AP2S1: variants seen among roughly 807,000 people sequenced by gnomAD.
AP2S1 encodes the protein adaptor related protein complex 2 subunit sigma 1.
Under a neutral mutation model 21.0 loss-of-function variants are expected in AP2S1, and 6 were observed. The ratio of observed to expected loss-of-function variants is 0.29; its 90% CI spans 0.16 to 0.56. The LOEUF (loss-of-function observed/expected upper bound fraction) is 0.56, where lower values mean the gene tolerates loss of function less well. AP2S1 is among the 20% of genes least tolerant of loss of function. The pLI is 0.92. For missense variants in AP2S1, 60 were observed against 186.2 expected (o/e 0.32, Z 3.95); for synonymous variants, 63 against 74.6 (o/e 0.84, Z 0.80).
intron 1 of AP2S1, among the ~76,000 whole-genome samples, chr19:46,846,479 G>A (rs2055637264): frequency 9.1e-6 from 1 of 109,490 alleles, no homozygotes; most frequent in African/African-American, 3.6e-5. Flanking sequence ...ACAGAGTCTT[G>A]CTACGTTGCT....
chr19:46,840,100 T>G (rs1189507475), intron 2 of AP2S1, among the ~76,000 whole-genome samples: 1 of 151,890 alleles, frequency 6.6e-6, no homozygotes, highest in Admixed American at 6.6e-5. Context: ...ATAGGCAGTG[T>G]GGGGAGGAGG....
In AP2S1 at chr19:46,846,085, T is replaced by C. The variant is rs1026991241; in HGVS notation, c.61A>G (p.Met21Val). The change falls in exon 2 of 5, where the codon ATG becomes GTG. Residue 21 changes from methionine (M) to valine (V), a missense_variant. By Grantham distance (21) the Met-to-Val change is conservative. Transcript: ENST00000263270. Reference sequence around the variant, plus strand: ...TGTTTCTCATCATCATCAAACTGCATGTACCACTTGGCCAGGCGCGTCTTG... The same window carrying C: ...TGTTTCTCATCATCATCAAACTGCACGTACCACTTGGCCAGGCGCGTCTTG... ...AGKTRLAKWYMQFDDDEKQKL... is the reference protein window; with the variant it reads ...AGKTRLAKWYVQFDDDEKQKL... The C allele has an allele frequency of 1.9e-6, 3 of 1,613,984 alleles. No individual in the cohort carries two copies. Among genetic ancestry groups the C allele is most frequent in the African/African-American group, 1.3e-5 (1 of 74,896 alleles).
intron 1 of AP2S1, 41 bp downstream of exon 1, chr19:46,850,723 C>G (rs780027787): frequency 1.4e-6 from 2 of 1,480,068 alleles, no homozygotes; most frequent in South Asian, 2.3e-5. Context: ...TACGCGTGGG[C>G]CCCCCCTCCG....
chr19:46,840,099 G>A (rs1257629604), intron 2 of AP2S1, among the ~76,000 whole-genome samples: 1 of 152,080 alleles, frequency 6.6e-6, no homozygotes, highest in East Asian at 1.9e-4. Flanking sequence ...GATAGGCAGT[G>A]TGGGGAGGAG....
intron 2 of AP2S1, among the ~76,000 whole-genome samples, chr19:46,844,830 G>C (rs1487296463): frequency 7.0e-6 from 1 of 142,234 alleles, no homozygotes; most frequent in African/African-American, 2.6e-5. Context: ...GGACAGGCAT[G>C]GTGGCTCACG....
intron 1 of AP2S1, among the ~76,000 whole-genome samples, chr19:46,849,660 C>T (rs1219756578): frequency 6.6e-6 from 1 of 152,128 alleles, no homozygotes; most frequent in Non-Finnish European, 1.5e-5. Context: ...ATCTCTGCAT[C>T]CTCACGCCTC....
chr19:46,839,653 T>C, intron 2 of AP2S1, 75 bp from the exon 3 acceptor site: 1 of 1,602,656 alleles, frequency 6.2e-7, no homozygotes, highest in Non-Finnish European at 8.5e-7. Flanking sequence ...GCCAAAACAT[T>C]CACTCCTTCA....
chr19:46,838,664 G>T lies in AP2S1; in HGVS notation c.327+76C>A. 1 of 1,572,068 alleles carries T rather than the reference G, an allele frequency of 6.4e-7. No homozygotes were observed. Among genetic ancestry groups the T allele is most frequent in the Non-Finnish European group, 8.7e-7 (1 of 1,143,544 alleles). On this transcript the variant is annotated intron_variant, in intron 4 of 4. Coordinates refer to ENST00000263270, the MANE Select transcript of AP2S1 (RefSeq NM_004069.6). This position sits in a 1 kb window ranked among gnomAD's most constrained non-coding sequence, Gnocchi z 4.1. The stretch of plus-strand genomic sequence containing the variant: ...GGACACAGACCTCAGCAGAGGCTCC[G>T]GGTGGCTAGTGCACCACGGGTCCCC...
rs563150298 is a variant in AP2S1 at position 46,844,000 on chromosome 19, T to C, written c.153+1993A>G. Reference sequence around the variant, plus strand: ...ATCTCGGCTCACTGCAACCTCTGCCTCCTGGATTCAAGCGATTCTCCTGCT... The same window carrying C: ...ATCTCGGCTCACTGCAACCTCTGCCCCCTGGATTCAAGCGATTCTCCTGCT... On this transcript the variant is annotated intron_variant, in intron 2 of 4. Transcript: ENST00000263270. Among the ~76,000 whole-genome samples the C allele has an allele frequency of 2.0e-5, 3 of 152,156 alleles. No homozygotes were observed. The South Asian group carries it at 6.2e-4, about 32-fold the overall frequency.
chr19:46,850,100 G>T lies in AP2S1; in HGVS notation c.3+664C>A, dbSNP rs908089901. The T allele has an allele frequency of 8.2e-6, 10 of 1,223,458 alleles. No homozygotes were observed. In the African/African-American group the frequency reaches 1.2e-4, roughly 15 times the overall value. 75.8% of individuals were successfully genotyped at this position (1,223,458 alleles called of 1,614,324 possible). A position where few individuals can be genotyped will look rare whatever the true frequency, so the allele number is the denominator to read the frequency against. ...CTCTCCTCTTGGAAAGACCTATTCA[G>T]TTGCTCCCCATTCTTTCCGAGTGTC... On this transcript the variant is annotated intron_variant, in intron 1 of 4. Coordinates refer to ENST00000263270, the MANE Select transcript of AP2S1 (RefSeq NM_004069.6).
intron 1 of AP2S1, 182 bp downstream of exon 1, chr19:46,850,582 G>A: frequency 1.6e-6 from 1 of 637,780 alleles, no homozygotes; most frequent in Non-Finnish European, 2.6e-6. Flanking sequence ...GGTAACCCCC[G>A]CGCGCAGAAT....
chr19:46,839,671 C>T lies in AP2S1; in HGVS notation c.154-93G>A, dbSNP rs149019742. ...AAAACATTCACTCCTTCACTCCATA[C>T]GTGGTCCCGAGGCCCAGCTCTGTGC... is the stretch of plus-strand genomic sequence containing the variant. On this transcript the variant is annotated intron_variant, in intron 2 of 4. Transcript: ENST00000263270. The T allele has an allele frequency of 1.2e-4, 195 of 1,574,646 alleles. No homozygotes were observed. In the African/African-American group the frequency reaches 1.5e-3, roughly 12 times the overall value.
chr19:46,846,220 A>G, intron 1 of AP2S1, 78 bp from the exon 2 acceptor site: 1 of 1,562,884 alleles, frequency 6.4e-7, no homozygotes, highest in Non-Finnish European at 8.7e-7. Context: ...GGCCCCACCC[A>G]TCCACCCAGA....
At chr19:46,842,389 G>A (rs1362667064) in intron 2 of AP2S1, among the ~76,000 whole-genome samples, 1 of 152,098 alleles carries the variant, frequency 6.6e-6, no homozygotes, top group African/African-American at 2.4e-5. Context: ...CCTGGGCTAT[G>A]AGTCCCAAAG....
Position 46,838,808 on chromosome 19 carries a change from G to A in AP2S1, c.268-9C>T, listed in dbSNP as rs968980596. ...AAATATTCGTTTAAGACCTGGGAGA[G>A]GAAGGCAGAGATGGTAAGAGATGGG... On this transcript the variant is annotated splice_polypyrimidine_tract_variant and intron_variant, in intron 3 of 4. Transcript: ENST00000263270. This position sits in a 1 kb window ranked among gnomAD's most constrained non-coding sequence, Gnocchi z 4.1. The A allele has an allele frequency of 1.2e-6, 2 of 1,611,382 alleles. No individual in the cohort carries two copies. Among genetic ancestry groups the A allele is most frequent in the South Asian group, 1.1e-5 (1 of 90,846 alleles).
intron 2 of AP2S1, among the ~76,000 whole-genome samples, chr19:46,842,107 GGAGGCGGAGGCTGCAGT>G (rs914018064): frequency 8.8e-4 from 134 of 152,238 alleles, no homozygotes; most frequent in African/African-American, 3.0e-3. Flanking sequence ...CTTGAGCCTG[GGAGGCGGAGGCTGCAGT>G]GAGCTATGAT....
At chr19:46,839,428 A>T in intron 3 of AP2S1, 37 bp downstream of exon 3, 1 of 763,394 alleles carries the variant, frequency 1.3e-6, no homozygotes. Context: ...AGGGCTGCCC[A>T]CCCGCCTCCC....
At chr19:46,843,083 C>A (rs531713378) in intron 2 of AP2S1, among the ~76,000 whole-genome samples, 29 of 152,332 alleles carry the variant, frequency 1.9e-4, no homozygotes, top group African/African-American at 6.7e-4. Flanking sequence ...CCTGCCCTTC[C>A]CATCTGCCCA....
intron 1 of AP2S1, chr19:46,850,302 C>T (rs1469148311): frequency 8.1e-7 from 1 of 1,237,886 alleles, no homozygotes; most frequent in Non-Finnish European, 1.0e-6. Flanking sequence ...CAATCAGATC[C>T]TTGTCTCTAG....
Sources: allele counts gnomAD v4.1 joint callset (sites outside exome capture counted in the v4.1 genomes callset), GRCh38; gene constraint gnomAD v4.1.1; non-coding constraint Gnocchi (gnomAD v3.1); transcripts MANE v1.5; gene names NCBI Gene and HGNC (gene_info 2026-07-23, HGNC 2026-07-21).